Variants in NWD1 observed in about 807,000 individuals in gnomAD.
The protein encoded by NWD1 is NACHT domain- and WD repeat-containing protein 1.
A neutral mutation model predicts 135.1 loss-of-function variants in NWD1; 129 were observed. That is an observed-to-expected ratio of 0.96 (90% CI 0.83 to 1.11). NWD1 has a LOEUF of 1.11. Among genes scored for constraint, NWD1 ranks in the 50% least tolerant of loss-of-function variants. The pLI, the probability that NWD1 is intolerant of heterozygous loss-of-function variation, is 0.00. For synonymous variants in NWD1, 773 were observed against 786.0 expected (o/e 0.98, Z 0.28); for missense variants, 1,740 against 1,851.3 (o/e 0.94, Z 1.10).
intron 4 of NWD1, among the ~76,000 whole-genome samples, chr19:16,739,323 C>T (rs1392230330): frequency 1.1e-5 from 1 of 88,210 alleles, no homozygotes; most frequent in Non-Finnish European, 2.0e-5. Context: ...GAGACCCTAT[C>T]TCTACCAAAA....
chr19:16,769,406 G>A lies in NWD1; in HGVS notation c.2411-3720G>A, dbSNP rs568863868. 1.2e-3 allele frequency among the ~76,000 whole-genome samples: 183 copies of A among 151,900 alleles called. 1 individual carries two copies. Among genetic ancestry groups the A allele is most frequent in the Non-Finnish European group, 1.1e-3 (73 of 67,986 alleles). ...GAACCCAGCAGGCAGAGGTTGCAGT[G>A]AGCCGGGATCACACCACTGCACTCC... On this transcript the variant is annotated intron_variant, in intron 10 of 18. Transcript: ENST00000524140.
intron 6 of NWD1, among the ~76,000 whole-genome samples, chr19:16,751,273 C>T (rs1432495283): frequency 6.6e-6 from 1 of 150,936 alleles, no homozygotes; most frequent in Non-Finnish European, 1.5e-5. Context: ...TAGTCTGGGG[C>T]CATTGCTCAG....
At chr19:16,779,544 A>T in intron 12 of NWD1, 79 bp downstream of exon 12, 1 of 1,366,360 alleles carries the variant, frequency 7.3e-7, no homozygotes, top group Non-Finnish European at 1.0e-6. Context: ...CCACAGATTC[A>T]CTTCTCTGTA....
intron 18 of NWD1, among the ~76,000 whole-genome samples, chr19:16,814,038 G>A (rs1312675088): frequency 6.6e-6 from 1 of 151,978 alleles, no homozygotes; most frequent in Non-Finnish European, 1.5e-5. Context: ...CATGCTTGTA[G>A]TCCCAGCTAC....
At chr19:16,811,537 T>C (rs371900926) in intron 18 of NWD1, among the ~76,000 whole-genome samples, 6 of 143,718 alleles carry the variant, frequency 4.2e-5, no homozygotes, top group African/African-American at 1.6e-4. Context: ...TGAGCCAAGA[T>C]CGTGATATTG....
chr19:16,746,690 C>CAAAAAA (rs756038608), intron 5 of NWD1, among the ~76,000 whole-genome samples: 1 of 126,656 alleles, frequency 7.9e-6, no homozygotes, highest in Non-Finnish European at 1.7e-5. Context: ...AAACAAAAAA[C>CAAAAAA]AACAAAAAAA....
chr19:16,764,954 G>T, intron 9 of NWD1, 80 bp from the exon 10 acceptor site: 1 of 1,467,286 alleles, frequency 6.8e-7, no homozygotes, highest in South Asian at 1.2e-5. Context: ...TGGAGGAAAT[G>T]GAGAGATGAT....
intron 12 of NWD1, among the ~76,000 whole-genome samples, chr19:16,784,669 G>T (rs968182052): frequency 6.6e-6 from 1 of 152,016 alleles, no homozygotes; most frequent in Admixed American, 6.6e-5. Context: ...GGTGGCTCAC[G>T]CCTGTAATCC....
chr19:16,745,028 C>T, intron 5 of NWD1: 1 of 550,290 alleles, frequency 1.8e-6, no homozygotes, highest in Non-Finnish European at 3.5e-6. Flanking sequence ...ATACTTGAGG[C>T]TGGGTAATTT....
At chr19:16,742,084 A>C (rs1599446132) in intron 4 of NWD1, among the ~76,000 whole-genome samples, 1 of 151,590 alleles carries the variant, frequency 6.6e-6, no homozygotes, top group South Asian at 2.1e-4. Flanking sequence ...GTCTCAAAAA[A>C]AGTAAATAGG....
At chr19:16,806,436 G>A (rs1368116208) in intron 17 of NWD1, among the ~76,000 whole-genome samples, 1 of 152,142 alleles carries the variant, frequency 6.6e-6, no homozygotes, top group African/African-American at 2.4e-5. Flanking sequence ...GCTTCAAGAT[G>A]GGACAATTCA....
At chr19:16,738,961 G>A (rs1048830484) in intron 4 of NWD1, among the ~76,000 whole-genome samples, 26 of 146,100 alleles carry the variant, frequency 1.8e-4, no homozygotes, top group Admixed American at 1.3e-3. Context: ...TTGAACTCCC[G>A]GACTGAAGCA....
chr19:16,734,140 G>A (rs111952181), intron 3 of NWD1, among the ~76,000 whole-genome samples: 46 of 152,240 alleles, frequency 3.0e-4, no homozygotes, highest in East Asian at 1.4e-3. Context: ...ACCTTGGTAC[G>A]TCCAGTGCTG....
At chr19:16,726,594 C>A (rs1453710493) in intron 2 of NWD1, among the ~76,000 whole-genome samples, 1 of 152,070 alleles carries the variant, frequency 6.6e-6, no homozygotes, top group African/African-American at 2.4e-5. Context: ...CCTGCGCCAC[C>A]ACACCTGGCT....
chr19:16,750,714 C>A (rs1968543277), intron 6 of NWD1, among the ~76,000 whole-genome samples: 1 of 152,056 alleles, frequency 6.6e-6, no homozygotes, highest in African/African-American at 2.4e-5. Context: ...TAGCTCACTG[C>A]AGTCTCCAAC....
At chr19:16,756,667 G>A (rs1352417939) in intron 6 of NWD1, among the ~76,000 whole-genome samples, 2 of 152,160 alleles carry the variant, frequency 1.3e-5, no homozygotes, top group South Asian at 4.2e-4. Context: ...CATCTAGTGG[G>A]TGGAGGCTTG....
At chr19:16,797,328 C>CT (rs764836395) in intron 15 of NWD1, among the ~76,000 whole-genome samples, 7,732 of 120,312 alleles carry the variant, frequency 0.064, 363 homozygotes, top group African/African-American at 0.12. Context: ...CAAAACATCT[C>CT]TTTTTTTTTT....
chr19:16,725,040 C>T (rs890803870), intron 2 of NWD1, among the ~76,000 whole-genome samples: 4 of 148,722 alleles, frequency 2.7e-5, no homozygotes, highest in Non-Finnish European at 4.5e-5. Flanking sequence ...GAGACGGGGT[C>T]TCACTCTGTC....
In NWD1 at chr19:16,807,897, A is replaced by T; in HGVS notation, c.4048A>T (p.Thr1350Ser). ...RYTFYTQLPETLSSVAILTDY... is the reference protein window; with the variant it reads ...RYTFYTQLPESLSSVAILTDY... The stretch of plus-strand genomic sequence containing the variant: ...CACCTTTTACACTCAGCTGCCCGAG[A>T]CCCTCTCCAGCGTGGCCATTCTGAC... The change falls in exon 18 of 19, where the codon ACC becomes TCC. Residue 1350 changes from threonine (T) to serine (S), a missense_variant. Transcript: ENST00000524140. 1.2e-6 allele frequency: 2 copies of T among 1,613,946 alleles called. No homozygotes were observed. Among genetic ancestry groups the T allele is most frequent in the Non-Finnish European group, 1.7e-6 (2 of 1,180,000 alleles).
Sources: allele counts gnomAD v4.1 joint callset (sites outside exome capture counted in the v4.1 genomes callset), GRCh38; gene constraint gnomAD v4.1.1; transcripts MANE v1.5; gene names NCBI Gene and HGNC (gene_info 2026-07-23, HGNC 2026-07-21).